Variants in TOP2B observed in about 807,000 individuals in gnomAD.
TOP2B encodes the protein DNA topoisomerase II beta.
TOP2B carries 51 observed loss-of-function variants against 193.5 expected under a neutral mutation model. The ratio of observed to expected loss-of-function variants is 0.26; its 90% CI spans 0.21 to 0.33. The LOEUF (loss-of-function observed/expected upper bound fraction) is 0.33. TOP2B is among the 10% of genes least tolerant of loss of function. TOP2B has a pLI of 1.00. For synonymous variants in TOP2B, 634 were observed against 635.7 expected (o/e 1.00, Z 0.04); for missense variants, 1,378 against 1,909.3 (o/e 0.72, Z 5.19).
chr3:25,641,772 T>C (rs1203159732), intron 4 of TOP2B, among the ~76,000 whole-genome samples: 1 of 152,130 alleles, frequency 6.6e-6, no homozygotes. Context: ...GAATGTAATA[T>C]TTTACAAAAG....
At chr3:25,637,372 A>C in intron 5 of TOP2B, 60 bp from the exon 6 acceptor site, 1 of 1,244,508 alleles carries the variant, frequency 8.0e-7, no homozygotes, top group Non-Finnish European at 1.1e-6. Context: ...AACTTCGTTA[A>C]TTTACCACCA....
chr3:25,620,845 C>A (rs752788940), intron 21 of TOP2B, 29 bp from the exon 22 acceptor site: 11 of 1,607,600 alleles, frequency 6.8e-6, no homozygotes, highest in Non-Finnish European at 8.5e-6. Flanking sequence ...ATAGCATTGA[C>A]TTCTCTCTTG....
rs1703388020 is a variant in TOP2B, at chr3:25,645,397, T to C, written c.143A>G (p.Lys48Arg). ...ETANKNDSSK[K>R]LSVERVYQKK... is the part of the protein sequence containing the mutation. ...CTGATACACTCTCTCAACAGACAAC[T>C]TCTTTGAAGAATCATTTTTGTTGGC... Residue 48 changes from lysine to arginine, a missense_variant, in exon 2 of 36, where the codon AAG becomes AGG. By Grantham distance (26) the Lys-to-Arg change is conservative. Around this residue, in one of 9 missense-constraint regions of TOP2B, gnomAD observed 83 missense variants for 59.3 expected, o/e 1.40. Coordinates refer to ENST00000264331, the MANE Select transcript of TOP2B (RefSeq NM_001330700.2). The C allele has an allele frequency of 1.2e-6, 2 of 1,613,774 alleles. No individual in the cohort carries two copies. The highest frequency in any genetic ancestry group is 1.3e-5 in the African/African-American group (1 of 74,936).
chr3:25,623,123 T>C (rs1313337599), intron 21 of TOP2B, among the ~76,000 whole-genome samples: 1 of 152,150 alleles, frequency 6.6e-6, no homozygotes, highest in East Asian at 1.9e-4. Context: ...TTTTCTGTCT[T>C]TTTACAAATG....
chr3:25,613,326 A>T lies in TOP2B; in HGVS notation c.3592-617T>A, dbSNP rs928319238. ...AGGAAAAAATGACATTTCTTTAGAG[A>T]TTTTTTTAAAAGATCTTTGTAGCAC... On this transcript the variant is annotated intron_variant, in intron 27 of 35. Coordinates refer to ENST00000264331, the MANE Select transcript of TOP2B (RefSeq NM_001330700.2). Among the ~76,000 whole-genome samples, 14 of 152,290 alleles carry T rather than the reference A, an allele frequency of 9.2e-5. 1 individual carries two copies. The highest frequency in any genetic ancestry group is 3.4e-4 in the African/African-American group (14 of 41,554).
At chr3:25,649,786 A>G (rs939314104) in intron 1 of TOP2B, among the ~76,000 whole-genome samples, 23 of 152,216 alleles carry the variant, frequency 1.5e-4, no homozygotes, top group African/African-American at 4.6e-4. Flanking sequence ...GATAAAAAAT[A>G]GCAACACAGT....
chr3:25,661,103 C>T (rs1386979273), intron 1 of TOP2B, among the ~76,000 whole-genome samples: 5 of 151,000 alleles, frequency 3.3e-5, no homozygotes, highest in Non-Finnish European at 2.9e-5. Flanking sequence ...AAGGTTCAAG[C>T]GATTCTCCTG....
In TOP2B at chr3:25,612,507, T is replaced by G. The variant is rs41285073; in HGVS notation, c.3786+8A>C. 1 of 1,594,708 alleles carries G rather than the reference T, an allele frequency of 6.3e-7. No individual in the cohort carries two copies. The highest frequency in any genetic ancestry group is 8.5e-7 in the Non-Finnish European group (1 of 1,170,340). ...ATGAGTCTATCAATGACAAGAGGTA[T>G]GTCATACCTTCTTCTTCTTCAGCAA... On this transcript the variant is annotated splice_region_variant and intron_variant, in intron 28 of 35. Transcript: ENST00000264331.
At chr3:25,607,024 A>C in intron 31 of TOP2B, 147 bp downstream of exon 31, 21 of 1,160,820 alleles carry the variant, frequency 1.8e-5, no homozygotes, top group Non-Finnish European at 2.4e-5. Context: ...CTGTGATGGG[A>C]ACAGCTGCAA....
At chr3:25,654,859 T>C (rs545909084) in intron 1 of TOP2B, among the ~76,000 whole-genome samples, 1 of 152,244 alleles carries the variant, frequency 6.6e-6, no homozygotes, top group South Asian at 2.1e-4. Context: ...GAAAACTGGA[T>C]AACAAGCAAA....
Position 25,598,229 on chromosome 3 carries a change from T to C in TOP2B, c.*78A>G. On this transcript the variant is annotated 3_prime_UTR_variant, in exon 36 of 36. Transcript: ENST00000264331. ...CATCATCACATTAAAATAAGCCAGA[T>C]GTACAAAAGTCTGAGACAGAGAAGA... 5 of 1,409,746 alleles carry C rather than the reference T, an allele frequency of 3.5e-6. No homozygotes were observed. Among genetic ancestry groups the C allele is most frequent in the Middle Eastern group, 2.0e-4 (1 of 4,894 alleles). The allele number at this position is 1,409,746 out of a possible 1,614,324, so 87.3% of individuals were successfully genotyped here.
intron 1 of TOP2B, among the ~76,000 whole-genome samples, chr3:25,659,566 G>T (rs1270366981): frequency 6.6e-6 from 1 of 152,132 alleles, no homozygotes; most frequent in Admixed American, 6.5e-5. Flanking sequence ...GATAACTAAG[G>T]TTGGGATAAG....
intron 10 of TOP2B, 57 bp downstream of exon 10, chr3:25,632,389 A>G (rs1702986191): frequency 7.1e-7 from 1 of 1,417,566 alleles, no homozygotes; most frequent in African/African-American, 1.5e-5. Context: ...GTAAATCAAG[A>G]AAACTACCTA....
chr3:25,637,116 G>T, intron 6 of TOP2B, 99 bp downstream of exon 6: 1 of 855,908 alleles, frequency 1.2e-6, no homozygotes, highest in Non-Finnish European at 1.8e-6. Flanking sequence ...AAAAAATGAA[G>T]TTATACAGGC....
chr3:25,662,614 A>G (rs1703950042), intron 1 of TOP2B, among the ~76,000 whole-genome samples: 1 of 152,352 alleles, frequency 6.6e-6, no homozygotes, highest in East Asian at 1.9e-4. Context: ...GAGATGCTCC[A>G]AGTTTTGCTA....
chr3:25,598,482 A>T lies in TOP2B; in HGVS notation c.4711-5T>A. On this transcript the variant is annotated splice_polypyrimidine_tract_variant and splice_region_variant and intron_variant, in intron 35 of 35. Transcript: ENST00000264331. ...AAAAGATGTCTTCTTCGGTTTCTAG[A>T]TTTTTTTTCAATAGATTTAAAAGTT... The T allele has an allele frequency of 6.4e-7, 1 of 1,557,322 alleles. No homozygotes were observed. The highest frequency in any genetic ancestry group is 8.7e-7 in the Non-Finnish European group (1 of 1,153,022).
intron 15 of TOP2B, among the ~76,000 whole-genome samples, chr3:25,628,481 T>A (rs1274517574): frequency 1.3e-5 from 2 of 152,054 alleles, no homozygotes; most frequent in Non-Finnish European, 2.9e-5. Context: ...GTCTCAACAA[T>A]AGGATATTAA....
chr3:25,627,241 C>T lies in TOP2B; in HGVS notation c.1962G>A (p.Arg654=). 1.9e-6 allele frequency: 3 copies of T among 1,610,096 alleles called. No individual in the cohort carries two copies. The highest frequency in any genetic ancestry group is 1.1e-5 in the South Asian group (1 of 90,526). ...CAGCATATCTAAACAAGATGCGATG[C>T]CTTTCCATATCAGCAAAATATTCCT... The part of the protein sequence containing the change: ...EAKEYFADME[R]HRILFRYAGP... The change falls in exon 16 of 36, where the codon AGG becomes AGA. Residue 654 remains arginine, a synonymous_variant. Transcript: ENST00000264331.
chr3:25,630,795 T>C lies in TOP2B; in HGVS notation c.1405+6A>G, dbSNP rs1428762494. The stretch of plus-strand genomic sequence containing the variant: ...TCAAAATCTTATTTAAAAATATCAA[T>C]CTTACCAGCATCATTAGCATCATCC... On this transcript the variant is annotated splice_donor_region_variant and intron_variant, in intron 11 of 35. Transcript: ENST00000264331. 3 of 1,539,328 alleles carry C rather than the reference T, an allele frequency of 1.9e-6. No individual in the cohort carries two copies. Among genetic ancestry groups the C allele is most frequent in the East Asian group, 2.4e-5 (1 of 42,292 alleles).
Sources: gnomAD v4.1 joint callset for allele counts (sites outside exome capture counted in the v4.1 genomes callset) on GRCh38, gnomAD v4.1.1 for gene constraint, gnomAD v4.1.1 regional missense constraint, MANE v1.5 for transcripts, NCBI Gene and HGNC (gene_info 2026-07-23, HGNC 2026-07-21) for gene names.